SRPK2: variants seen among roughly 807,000 people sequenced by gnomAD.
SRPK2 encodes the protein SRSF protein kinase 2.
In SRPK2, 21 loss-of-function variants were observed where a neutral mutation model predicts 90.8. The observed-to-expected ratio is 0.23, with a 90% CI of 0.16 to 0.33. The LOEUF is 0.33. SRPK2 is among the 10% of genes least tolerant of loss of function. The pLI, the probability that SRPK2 is intolerant of heterozygous loss-of-function variation, is 1.00. For synonymous variants in SRPK2, 288 were observed against 311.1 expected (o/e 0.93, Z 0.78); for missense variants, 620 against 869.0 (o/e 0.71, Z 3.60).
intron 2 of SRPK2, among the ~76,000 whole-genome samples, chr7:105,269,789 T>C (rs1397090051): frequency 6.6e-6 from 1 of 152,358 alleles, no homozygotes; most frequent in East Asian, 1.9e-4. Flanking sequence ...TTAATAAAAC[T>C]GACATGGTCC....
chr7:105,204,924 CT>C, intron 2 of SRPK2: 1 of 361,308 alleles, frequency 2.8e-6, no homozygotes, highest in South Asian at 2.4e-5. Flanking sequence ...CACTGTTGCT[CT>C]CTGCCCAGTG....
At chr7:105,233,063 CAAGGAAGG>C (rs1171206364) in intron 2 of SRPK2, among the ~76,000 whole-genome samples, 2 of 116,976 alleles carry the variant, frequency 1.7e-5, no homozygotes, top group Non-Finnish European at 3.3e-5. Flanking sequence ...AGGGAGGGAG[CAAGGAAGG>C]AAGGAAGGAA....
rs750052407 is a variant in SRPK2 at position 105,388,818 on chromosome 7, G to A, written c.-12C>T. On this transcript the variant is annotated 5_prime_UTR_variant, in exon 1 of 16. Transcript: ENST00000393651. ...TTCCGGGAGCTCATTCCGACGCGGC[G>A]GAAGCGGGGCGGGGGGCTTCGCGAC... 175 of 1,413,540 alleles carry A rather than the reference G, an allele frequency of 1.2e-4. No homozygotes were observed. Among genetic ancestry groups the A allele is most frequent in the Non-Finnish European group, 1.5e-4 (166 of 1,083,600 alleles). The allele number at this position is 1,413,540 out of a possible 1,614,324, so 87.6% of individuals were successfully genotyped here.
intron 15 of SRPK2, 134 bp downstream of exon 15, chr7:105,126,114 A>G: frequency 3.8e-6 from 3 of 784,596 alleles, no homozygotes; most frequent in South Asian, 3.4e-5. Flanking sequence ...CAATTTTTCT[A>G]TCAGCATAGG....
At chr7:105,392,125 C>A (rs1822197303), upstream of SRPK2, among the ~76,000 whole-genome samples, 1 of 152,082 alleles carries the variant, frequency 6.6e-6, no homozygotes, top group African/African-American at 2.4e-5. Flanking sequence ...TTGTATGATT[C>A]CATTTATATG....
downstream of SRPK2, among the ~76,000 whole-genome samples, chr7:105,114,996 G>GAAAT (rs1799545688): frequency 6.6e-6 from 1 of 152,172 alleles, no homozygotes; most frequent in Admixed American, 6.6e-5. Context: ...ACTAGCATGT[G>GAAAT]AAATAAAAAT....
intron 1 of SRPK2, among the ~76,000 whole-genome samples, chr7:105,396,243 G>A (rs10267633): frequency 6.6e-6 from 1 of 151,788 alleles, no homozygotes; most frequent in Admixed American, 6.6e-5. Flanking sequence ...TGGTAAGTGG[G>A]GCACAGAGGT....
intron 2 of SRPK2, among the ~76,000 whole-genome samples, chr7:105,256,131 C>G (rs1248627694): frequency 1.3e-5 from 2 of 152,120 alleles, no homozygotes; most frequent in Non-Finnish European, 2.9e-5. Context: ...ATTTTACTTC[C>G]ATTATTTCAA....
intron 2 of SRPK2, among the ~76,000 whole-genome samples, chr7:105,257,526 T>C (rs1372939946): frequency 6.6e-6 from 1 of 152,232 alleles, no homozygotes; most frequent in Non-Finnish European, 1.5e-5. Flanking sequence ...CGAGGTTCTT[T>C]CAATCTGTCT....
chr7:105,322,748 TAA>T (rs35196387), intron 2 of SRPK2, among the ~76,000 whole-genome samples: 7,568 of 146,172 alleles, frequency 0.052, 631 homozygotes, highest in African/African-American at 0.18. Context: ...TAACCTCAAT[TAA>T]AAAAAAAAAA....
intron 3 of SRPK2, among the ~76,000 whole-genome samples, chr7:105,198,602 A>T (rs1398552778): frequency 2.6e-5 from 4 of 152,192 alleles, no homozygotes; most frequent in African/African-American, 4.8e-5. Flanking sequence ...TCAGGGAGTT[A>T]AGGGAGCCAG....
intron 3 of SRPK2, among the ~76,000 whole-genome samples, chr7:105,181,670 G>C (rs886306843): frequency 6.6e-6 from 1 of 152,042 alleles, no homozygotes; most frequent in African/African-American, 2.4e-5. Flanking sequence ...TAAACAATGA[G>C]AACACAAAGA....
rs1388225373 is a variant in SRPK2, at chr7:105,386,846, A to T, written c.71+1802T>A. 3.3e-5 allele frequency among the ~76,000 whole-genome samples: 5 copies of T among 152,370 alleles called. No homozygotes were observed. The East Asian group carries it at 9.6e-4, about 29-fold the overall frequency. Reference sequence around the variant, plus strand: ...ACTAGAGCCAGTTCGTTTCATCATTAGCTGGTGTGTTATTTTCCCCCTCAA... The same window carrying T: ...ACTAGAGCCAGTTCGTTTCATCATTTGCTGGTGTGTTATTTTCCCCCTCAA... On this transcript the variant is annotated intron_variant, in intron 2 of 15. Transcript: ENST00000393651.
In SRPK2 at chr7:105,160,320, A is replaced by G. The variant is rs540171432; in HGVS notation, c.621+187T>C. ...CATGTTGTTCCCTTCACAACACAAAATATCATTAAATACTGACTTAATAAG... is the reference window on the plus strand; with the variant it reads ...CATGTTGTTCCCTTCACAACACAAAGTATCATTAAATACTGACTTAATAAG... On this transcript the variant is annotated intron_variant, in intron 7 of 15. Transcript: ENST00000393651. 9 of 396,088 alleles carry G rather than the reference A, an allele frequency of 2.3e-5. No homozygotes were observed. The East Asian group carries it at 2.6e-4, about 11-fold the overall frequency. The allele number at this position is 396,088 out of a possible 1,614,324, so 24.5% of individuals were successfully genotyped here.
chr7:105,333,952 C>T (rs1452579399), intron 2 of SRPK2, among the ~76,000 whole-genome samples: 2 of 152,120 alleles, frequency 1.3e-5, no homozygotes, highest in Non-Finnish European at 2.9e-5. Context: ...GACAGAGTTT[C>T]GCTCTTGTTG....
At chr7:105,285,652 G>A (rs910980679) in intron 2 of SRPK2, among the ~76,000 whole-genome samples, 2 of 152,104 alleles carry the variant, frequency 1.3e-5, no homozygotes, top group Non-Finnish European at 2.9e-5. Context: ...TGACAAGTGA[G>A]TTCACATGAG....
intron 3 of SRPK2, among the ~76,000 whole-genome samples, chr7:105,176,954 G>C (rs1792038589): frequency 6.6e-6 from 1 of 152,076 alleles, no homozygotes; most frequent in Admixed American, 6.6e-5. Flanking sequence ...ATTTTCTTGA[G>C]TGAAGTAAGA....
chr7:105,298,605 G>GT, intron 2 of SRPK2: 1 of 483,820 alleles, frequency 2.1e-6, no homozygotes, highest in Non-Finnish European at 2.7e-6. Context: ...CAGCAAGATG[G>GT]TATCTCTTAC....
At chr7:105,363,525 A>G (rs2132300002) in intron 2 of SRPK2, among the ~76,000 whole-genome samples, 1 of 152,298 alleles carries the variant, frequency 6.6e-6, no homozygotes, top group East Asian at 1.9e-4. Flanking sequence ...AAGTCAGGAA[A>G]CAACACGTGC....
Sources: allele counts gnomAD v4.1 joint callset (sites outside exome capture counted in the v4.1 genomes callset), GRCh38; gene constraint gnomAD v4.1.1; transcripts MANE v1.5; gene names NCBI Gene and HGNC (gene_info 2026-07-23, HGNC 2026-07-21).